Variants in TMEM132B observed in about 807,000 individuals in gnomAD.
The protein encoded by TMEM132B is transmembrane protein 132B.
In TMEM132B, 18 loss-of-function variants were observed where a neutral mutation model predicts 90.8. That is an observed-to-expected ratio of 0.20 (90% CI 0.14 to 0.29). The LOEUF (loss-of-function observed/expected upper bound fraction) is 0.29. TMEM132B is among the 10% of genes least tolerant of loss of function. The pLI, the probability that TMEM132B is intolerant of heterozygous loss-of-function variation, is 1.00. For synonymous variants in TMEM132B, 504 were observed against 523.3 expected, an observed-to-expected ratio of 0.96 and a Z score of 0.50; for missense variants, 1,096 against 1,326.8, an observed-to-expected ratio of 0.83 and a Z score of 2.70.
chr12:125,284,227 T>C (rs60238927), intron 1 of TMEM132B, among the ~76,000 whole-genome samples: 3,572 of 152,312 alleles, frequency 0.023, 132 homozygotes, highest in African/African-American at 0.082. Context: ...TAATTCAGTC[T>C]CTCTTCCTCC....
rs149155434 is a variant in TMEM132B at position 125,227,403 on chromosome 12, A to G, written c.67+40537A>G. ...GAGGTTGAAGAGCTTAGTCAAGGAC[A>G]CACAGCTCCAGGGTGGCAGAGCTGG... On this transcript the variant is annotated intron_variant, in intron 1 of 8. Transcript: ENST00000682704. 4.1e-3 allele frequency among the ~76,000 whole-genome samples: 632 copies of G among 152,332 alleles called. 2 individuals carry two copies. The highest frequency in any genetic ancestry group is 6.9e-3 in the Non-Finnish European group (467 of 68,032).
chr12:125,251,784 G>A lies in TMEM132B; in HGVS notation c.67+64918G>A, dbSNP rs1388931658. Among the ~76,000 whole-genome samples, 1 of 152,150 alleles carries A rather than the reference G, an allele frequency of 6.6e-6. No homozygotes were observed. Among genetic ancestry groups the A allele is most frequent in the East Asian group, 1.9e-4 (1 of 5,200 alleles). The stretch of plus-strand genomic sequence containing the variant: ...TGCCAGAGCTGATTTTCCTAGAAAG[G>A]CCATTCGTTTGGATTTTCATGTGAA... On this transcript the variant is annotated intron_variant, in intron 1 of 8. Coordinates refer to ENST00000682704, the MANE Select transcript of TMEM132B (RefSeq NM_001366854.1). This position sits in a 1 kb window ranked among gnomAD's most constrained non-coding sequence, Gnocchi z 4.4.
At chr12:125,366,983 T>C (rs1376222351) in intron 2 of TMEM132B, among the ~76,000 whole-genome samples, 1 of 152,194 alleles carries the variant, frequency 6.6e-6, no homozygotes, top group Non-Finnish European at 1.5e-5. Context: ...CTTTTAGCTA[T>C]TGTAGTTTTC....
intron 1 of TMEM132B, among the ~76,000 whole-genome samples, chr12:125,278,477 C>CTTTTTTT (rs35950577): frequency 1.4e-5 from 2 of 141,498 alleles, no homozygotes; most frequent in African/African-American, 2.6e-5. Flanking sequence ...GAATCTCCAT[C>CTTTTTTT]TTTTTTTTTT....
intron 1 of TMEM132B, among the ~76,000 whole-genome samples, chr12:125,308,619 T>C (rs1001411179): frequency 3.9e-5 from 6 of 152,196 alleles, no homozygotes; most frequent in African/African-American, 1.4e-4. Flanking sequence ...GAAAAACCTT[T>C]CTTTTTTTTT....
chr12:125,503,987 A>G (rs879039564), intron 3 of TMEM132B, among the ~76,000 whole-genome samples: 1 of 152,238 alleles, frequency 6.6e-6, no homozygotes, highest in African/African-American at 2.4e-5. Context: ...TTGGCCTATA[A>G]GAAAGATTTC....
At chr12:125,262,983 G>A (rs1874602695) in intron 1 of TMEM132B, among the ~76,000 whole-genome samples, 1 of 152,154 alleles carries the variant, frequency 6.6e-6, no homozygotes, top group Non-Finnish European at 1.5e-5. Context: ...AGCATGGAGT[G>A]GATTGGAGTC....
intron 1 of TMEM132B, among the ~76,000 whole-genome samples, chr12:125,280,493 G>A (rs1182703855): frequency 6.6e-6 from 1 of 152,220 alleles, no homozygotes; most frequent in Non-Finnish European, 1.5e-5. Context: ...AAAATAACAA[G>A]GTTTATTCCT....
intron 7 of TMEM132B, among the ~76,000 whole-genome samples, chr12:125,651,833 A>T (rs1192496485): frequency 6.6e-6 from 1 of 152,084 alleles, no homozygotes; most frequent in East Asian, 1.9e-4. Flanking sequence ...TGATTTTAGG[A>T]CTGACCAAAG....
At chr12:125,639,051 ATGTTC>A (rs1230958809) in intron 5 of TMEM132B, among the ~76,000 whole-genome samples, 6 of 152,124 alleles carry the variant, frequency 3.9e-5, no homozygotes, top group Admixed American at 6.5e-5. Context: ...TTGGTTTTCA[ATGTTC>A]CTCTTGAGGC....
intron 1 of TMEM132B, among the ~76,000 whole-genome samples, chr12:125,320,947 C>T (rs116359148): frequency 3.3e-5 from 5 of 152,298 alleles, no homozygotes; most frequent in East Asian, 3.9e-4. Flanking sequence ...CACCTGAGCT[C>T]ATTTATAACT....
At chr12:125,634,237 A>G (rs1039774570) in intron 5 of TMEM132B, among the ~76,000 whole-genome samples, 1 of 152,138 alleles carries the variant, frequency 6.6e-6, no homozygotes, top group Non-Finnish European at 1.5e-5. Context: ...GTACTGCCAG[A>G]CTACTGCCAA....
At chr12:125,560,802 G>A (rs1214724914) in intron 4 of TMEM132B, among the ~76,000 whole-genome samples, 1 of 132,810 alleles carries the variant, frequency 7.5e-6, no homozygotes, top group Non-Finnish European at 1.5e-5. Context: ...TCCGCAGTCC[G>A]GCCTGGGTGA....
intron 1 of TMEM132B, among the ~76,000 whole-genome samples, chr12:125,243,651 C>CT (rs1874140028): frequency 6.6e-6 from 1 of 152,198 alleles, no homozygotes; most frequent in Non-Finnish European, 1.5e-5. Context: ...ACAAATGAGT[C>CT]TATCACCCAG....
chr12:125,355,773 G>A (rs1042466904), intron 2 of TMEM132B, among the ~76,000 whole-genome samples: 1 of 152,186 alleles, frequency 6.6e-6, no homozygotes, highest in African/African-American at 2.4e-5. Context: ...GATTTGCTGA[G>A]ATCGAATTTC....
chr12:125,563,425 G>A (rs1041853117), intron 4 of TMEM132B, among the ~76,000 whole-genome samples: 12 of 152,006 alleles, frequency 7.9e-5, no homozygotes, highest in Admixed American at 7.2e-4. Context: ...TGGCCAACAC[G>A]GTGAAACCCT....
intron 3 of TMEM132B, among the ~76,000 whole-genome samples, chr12:125,441,398 A>G (rs1262793129): frequency 6.6e-6 from 1 of 152,268 alleles, no homozygotes; most frequent in African/African-American, 2.4e-5. Context: ...AACACCCATT[A>G]TAAATAAACC....
chr12:125,190,209 C>T (rs1359549383), intron 1 of TMEM132B, among the ~76,000 whole-genome samples: 1 of 152,212 alleles, frequency 6.6e-6, no homozygotes, highest in Non-Finnish European at 1.5e-5. Flanking sequence ...CTTTCTAACC[C>T]TGTACCTGGG....
At chr12:125,472,550 A>G (rs1293602677) in intron 3 of TMEM132B, among the ~76,000 whole-genome samples, 2 of 152,064 alleles carry the variant, frequency 1.3e-5, no homozygotes, top group East Asian at 3.8e-4. Flanking sequence ...CTATGAGGAG[A>G]ATGTGTGCTG....
Sources: allele counts gnomAD v4.1 joint callset (sites outside exome capture counted in the v4.1 genomes callset), GRCh38; gene constraint gnomAD v4.1.1; non-coding constraint Gnocchi (gnomAD v3.1); transcripts MANE v1.5; gene names NCBI Gene and HGNC (gene_info 2026-07-23, HGNC 2026-07-21).